NECTIN3: variants seen among roughly 807,000 people sequenced by gnomAD.
NECTIN3 encodes nectin-3.
Under a neutral mutation model 49.4 loss-of-function variants are expected in NECTIN3, and 8 were observed. That is an observed-to-expected ratio of 0.16 (90% CI 0.10 to 0.29). NECTIN3 has a LOEUF of 0.29. NECTIN3 is among the 10% of genes least tolerant of loss of function. NECTIN3 has a pLI of 1.00. For synonymous variants in NECTIN3, 277 were observed against 241.1 expected, an observed-to-expected ratio of 1.15 and a Z score of -1.38; for missense variants, 581 against 654.6, an observed-to-expected ratio of 0.89 and a Z score of 1.23.
At chr3:111,147,624 A>AGTCATTATGCATTAAATGTTGTTTT in intron 7 of NECTIN3, 1 of 741,572 alleles carries the variant, frequency 1.3e-6, no homozygotes, top group Non-Finnish European at 2.1e-6. Context: ...AATGTTGTTT[A>AGTCATTATGCATTAAATGTTGTTTT]GTCATTATGC....
At chr3:111,125,297 G>T (rs993100618) in intron 4 of NECTIN3, among the ~76,000 whole-genome samples, 8 of 151,848 alleles carry the variant, frequency 5.3e-5, no homozygotes, top group African/African-American at 1.7e-4. Context: ...CCAAAGTGCT[G>T]GGATTACAGG....
At position 111,071,962 on chromosome 3, in the gene NECTIN3, C is replaced by G. The variant is rs1576054039; in HGVS notation, c.-56C>G. On this transcript the variant is annotated 5_prime_UTR_variant, in exon 1 of 6. Transcript: ENST00000485303. Reference sequence around the variant, plus strand: ...AGCCTCCGCCCAGAGCCTGAGGCGCCGGGGCCGGGGGAGCCGGGGGGCGGG... The same window carrying G: ...AGCCTCCGCCCAGAGCCTGAGGCGCGGGGGCCGGGGGAGCCGGGGGGCGGG... 1 of 1,081,998 alleles carries G rather than the reference C, an allele frequency of 9.2e-7. No individual in the cohort carries two copies. The highest frequency in any genetic ancestry group is 1.2e-6 in the Non-Finnish European group (1 of 859,280). The allele number at this position is 1,081,998 out of a possible 1,614,324, so 67.0% of individuals were successfully genotyped here. A position where few individuals can be genotyped will look rare whatever the true frequency, so the allele number is the denominator to read the frequency against.
At chr3:111,156,055 C>T (rs2035091788) in intron 7 of NECTIN3, among the ~76,000 whole-genome samples, 2 of 152,128 alleles carry the variant, frequency 1.3e-5, no homozygotes, top group Admixed American at 6.5e-5. Context: ...TATTTAAGCC[C>T]ATGTAGCCTG....
Position 111,071,920 on chromosome 3 carries a change from C to T in NECTIN3, c.-98C>T. The T allele has an allele frequency of 1.3e-6, 1 of 797,882 alleles. No individual in the cohort carries two copies. The highest frequency in any genetic ancestry group is 1.7e-6 in the Non-Finnish European group (1 of 577,772). The allele number at this position is 797,882 out of a possible 1,614,324, so 49.4% of individuals were successfully genotyped here. A position where few individuals can be genotyped will look rare whatever the true frequency, so the allele number is the denominator to read the frequency against. On this transcript the variant is annotated 5_prime_UTR_variant, in exon 1 of 6. Coordinates refer to ENST00000485303, the MANE Select transcript of NECTIN3 (RefSeq NM_015480.3). ...GCTAGAGCTGGGAGCTGGGGACGCG[C>T]GCGCCGGACCTTCCACAGCCTCCGC...
intron 5 of NECTIN3, among the ~76,000 whole-genome samples, chr3:111,127,465 CTTT>C (rs35153084): frequency 1.1e-4 from 11 of 101,164 alleles, no homozygotes; most frequent in African/African-American, 1.3e-4. Context: ...TGCAAACTTT[CTTT>C]TTTTTTTTTT....
chr3:111,173,033 AAC>A (rs2035462644), intron 7 of NECTIN3, among the ~76,000 whole-genome samples: 1 of 152,242 alleles, frequency 6.6e-6, no homozygotes, highest in East Asian at 1.9e-4. Flanking sequence ...TTCATTTAGA[AAC>A]AGGGCTACAA....
chr3:111,077,343 G>GGAA, intron 1 of NECTIN3: 1 of 29,690 alleles, frequency 3.4e-5, no homozygotes, highest in South Asian at 1.3e-3. Flanking sequence ...AACTTTAATG[G>GGAA]TAAAAAAAAA....
At chr3:111,183,561 G>T (rs545698049) in intron 7 of NECTIN3, among the ~76,000 whole-genome samples, 1 of 151,982 alleles carries the variant, frequency 6.6e-6, no homozygotes, top group Non-Finnish European at 1.5e-5. Context: ...TGATCTGCCC[G>T]CCTCAGCCTC....
Position 111,135,457 on chromosome 3 carries a change from T to C in NECTIN3, c.*1242T>C, listed in dbSNP as rs1259094978. 1.1e-6 allele frequency: 1 copy of C among 943,870 alleles called. No homozygotes were observed. The highest frequency in any genetic ancestry group is 6.2e-5 in the Admixed American group (1 of 16,102). 58.5% of individuals were successfully genotyped at this position (943,870 alleles called of 1,614,324 possible). On this transcript the variant is annotated 3_prime_UTR_variant, in exon 6 of 6. Coordinates refer to ENST00000485303, the MANE Select transcript of NECTIN3 (RefSeq NM_015480.3). ...CATTTATCTTTTGAGAAAGAAATGTTACCTAAACTTCAAATGTGCTTTTTG... is the reference window on the plus strand; with the variant it reads ...CATTTATCTTTTGAGAAAGAAATGTCACCTAAACTTCAAATGTGCTTTTTG...
At chr3:111,185,139 T>A (rs1326426340) in intron 7 of NECTIN3, among the ~76,000 whole-genome samples, 1 of 152,174 alleles carries the variant, frequency 6.6e-6, no homozygotes, top group East Asian at 1.9e-4. Context: ...CTGGAGCTTT[T>A]TTTATGTGTG....
At chr3:111,143,735 G>A (rs2034806704) in intron 5 of NECTIN3, among the ~76,000 whole-genome samples, 1 of 151,884 alleles carries the variant, frequency 6.6e-6, no homozygotes, top group African/African-American at 2.4e-5. Context: ...CGTTATATAT[G>A]TTAACAAAAA....
At chr3:111,165,225 A>G (rs2035295204) in intron 7 of NECTIN3, among the ~76,000 whole-genome samples, 1 of 151,882 alleles carries the variant, frequency 6.6e-6, no homozygotes, top group South Asian at 2.1e-4. Flanking sequence ...TTGTATTTTT[A>G]GTAGATACAG....
intron 7 of NECTIN3, among the ~76,000 whole-genome samples, chr3:111,154,964 G>T (rs1256182428): frequency 6.6e-6 from 1 of 151,800 alleles, no homozygotes; most frequent in Non-Finnish European, 1.5e-5. Context: ...TTTGAAACAA[G>T]TCTTGCTCTG....
At chr3:111,108,836 A>G (rs2033327519) in intron 1 of NECTIN3, among the ~76,000 whole-genome samples, 1 of 152,134 alleles carries the variant, frequency 6.6e-6, no homozygotes, top group South Asian at 2.1e-4. Flanking sequence ...CCAAGCTATT[A>G]ATGAGGGCTC....
chr3:111,177,488 T>G (rs1450980138), intron 7 of NECTIN3, among the ~76,000 whole-genome samples: 1 of 152,212 alleles, frequency 6.6e-6, no homozygotes, highest in Non-Finnish European at 1.5e-5. Flanking sequence ...ATAGCTTCTC[T>G]GAGAACACAT....
At chr3:111,089,352 TTC>T (rs2032116082) in intron 1 of NECTIN3, among the ~76,000 whole-genome samples, 1 of 152,026 alleles carries the variant, frequency 6.6e-6, no homozygotes, top group Admixed American at 6.6e-5. Context: ...TTATTTCTTA[TTC>T]TTTTTCTCAT....
chr3:111,072,333 G>A, intron 1 of NECTIN3, 156 bp downstream of exon 1: 8 of 1,432,748 alleles, frequency 5.6e-6, no homozygotes, highest in Non-Finnish European at 6.4e-6. Context: ...CGCCGCGCCC[G>A]GGGCGAGGCC....
intron 7 of NECTIN3, among the ~76,000 whole-genome samples, chr3:111,156,034 G>C (rs2035091545): frequency 1.3e-5 from 2 of 152,218 alleles, no homozygotes; most frequent in South Asian, 4.1e-4. Flanking sequence ...TTATGTCCTT[G>C]TGCCAGTATG....
chr3:111,147,466 T>C (rs1391450676), exon 7 of NECTIN3: 4 of 1,528,120 alleles, frequency 2.6e-6, no homozygotes, highest in Non-Finnish European at 3.5e-6. Context: ...CACCTTTGCC[T>C]CAGAAAGACC....
Sources: allele counts gnomAD v4.1 joint callset (sites outside exome capture counted in the v4.1 genomes callset), GRCh38; gene constraint gnomAD v4.1.1; transcripts MANE v1.5; gene names NCBI Gene and HGNC (gene_info 2026-07-23, HGNC 2026-07-21).